Variants in TRMT10A observed in about 807,000 individuals in gnomAD.
TRMT10A encodes the protein tRNA methyltransferase 10A, also known as tRNA methyltransferase 10 homolog A.
TRMT10A carries 37 observed loss-of-function variants against 40.4 expected under a neutral mutation model. That is an observed-to-expected ratio of 0.92 (90% CI 0.71 to 1.21). The LOEUF is 1.21. Ranked by LOEUF, TRMT10A falls within the 50% of genes most tolerant of loss-of-function variation. The probability of loss-of-function intolerance (pLI) is 0.00; values close to 1 mark genes in which losing one functional copy is unlikely to be tolerated. For synonymous variants in TRMT10A, 103 were observed against 134.1 expected, an observed-to-expected ratio of 0.77 and a Z score of 1.60; for missense variants, 388 against 404.3, an observed-to-expected ratio of 0.96 and a Z score of 0.35.
chr4:99,558,032 A>G lies in TRMT10A; in HGVS notation c.348+17T>C. Reference sequence around the variant, plus strand: ...CTAATTCACATACAAGATTTTTCTGACAATGATTCATGATACCTTTAATAC... The same window carrying G: ...CTAATTCACATACAAGATTTTTCTGGCAATGATTCATGATACCTTTAATAC... On this transcript the variant is annotated intron_variant, in intron 3 of 7. Coordinates refer to ENST00000394876, the MANE Select transcript of TRMT10A (RefSeq NM_001134665.3). 1 of 1,530,654 alleles carries G rather than the reference A, an allele frequency of 6.5e-7. No individual in the cohort carries two copies. The highest frequency in any genetic ancestry group is 8.7e-7 in the Non-Finnish European group (1 of 1,143,764). 94.8% of individuals were successfully genotyped at this position (1,530,654 alleles called of 1,614,324 possible).
Position 99,549,036 on chromosome 4 carries a change from G to A in TRMT10A, c.*52C>T. ...TCTTCCAATTTCAATATTCTATATA[G>A]CACCTCACTTTCTCCTAATTTTTCC... is the stretch of plus-strand genomic sequence containing the variant. On this transcript the variant is annotated 3_prime_UTR_variant, in exon 8 of 8. Coordinates refer to ENST00000394876, the MANE Select transcript of TRMT10A (RefSeq NM_001134665.3). 1 of 1,574,286 alleles carries A rather than the reference G, an allele frequency of 6.4e-7. No individual in the cohort carries two copies. Among genetic ancestry groups the A allele is most frequent in the South Asian group, 1.1e-5 (1 of 87,214 alleles).
At chr4:99,563,848 G>A in intron 1 of TRMT10A, 65 bp downstream of exon 1, 1 of 670,444 alleles carries the variant, frequency 1.5e-6, no homozygotes, top group South Asian at 1.5e-5. Context: ...TGCATGGCAC[G>A]CGCCCCTTTG....
chr4:99,557,997 A>T, intron 3 of TRMT10A, 52 bp downstream of exon 3: 1 of 1,469,174 alleles, frequency 6.8e-7, no homozygotes. Context: ...TAAAACAAAA[A>T]TGATTCGACC....
chr4:99,557,483 A>G lies in TRMT10A; in HGVS notation c.349-67T>C. The G allele has an allele frequency of 2.1e-6, 3 of 1,408,038 alleles. No individual in the cohort carries two copies. The South Asian group carries it at 3.6e-5, about 17-fold the overall frequency. 87.2% of individuals were successfully genotyped at this position (1,408,038 alleles called of 1,614,324 possible). ...GTCTATGGCCATTCTATGATCTTAA[A>G]GGAATGGAATAAGCAGAAGGGATGA... is the stretch of plus-strand genomic sequence containing the variant. On this transcript the variant is annotated intron_variant, in intron 3 of 7. Transcript: ENST00000394876.
intron 5 of TRMT10A, among the ~76,000 whole-genome samples, chr4:99,555,005 T>C (rs1361566921): frequency 6.6e-6 from 1 of 152,168 alleles, no homozygotes; most frequent in Non-Finnish European, 1.5e-5. Context: ...GTATAATTAA[T>C]AAATAGCCAG....
At chr4:99,563,793 C>T (rs1239417214) in intron 1 of TRMT10A, 120 bp downstream of exon 1, 7 of 573,800 alleles carry the variant, frequency 1.2e-5, no homozygotes, top group Non-Finnish European at 2.0e-5. Flanking sequence ...ACTTCCACAC[C>T]ACTGCTCCCC....
chr4:99,560,928 G>A (rs1724363546), intron 1 of TRMT10A, among the ~76,000 whole-genome samples: 1 of 151,060 alleles, frequency 6.6e-6, no homozygotes, highest in Non-Finnish European at 1.5e-5. Flanking sequence ...AAAACGGCAT[G>A]TGTTGATTAG....
intron 7 of TRMT10A, among the ~76,000 whole-genome samples, chr4:99,549,670 C>T (rs1723887578): frequency 6.6e-6 from 1 of 152,174 alleles, no homozygotes; most frequent in South Asian, 2.1e-4. Context: ...ACATCTTTAT[C>T]CTTTACATGC....
rs201686926 is a variant in TRMT10A, at chr4:99,559,127, A to C, written c.185+27T>G. Reference sequence around the variant, plus strand: ...ACATTGCATATCTCTAAATAGGAAGAGAGCATATACATTTTGAAACACATA... The same window carrying C: ...ACATTGCATATCTCTAAATAGGAAGCGAGCATATACATTTTGAAACACATA... On this transcript the variant is annotated intron_variant, in intron 2 of 7. Coordinates refer to ENST00000394876, the MANE Select transcript of TRMT10A (RefSeq NM_001134665.3). The C allele has an allele frequency of 3.8e-6, 6 of 1,589,698 alleles. No homozygotes were observed. In the East Asian group the frequency reaches 1.3e-4, roughly 36 times the overall value.
chr4:99,557,376 G>A lies in TRMT10A; in HGVS notation c.389C>T (p.Ala130Val), dbSNP rs1044515862. The change falls in exon 4 of 8, where the codon GCA (alanine) becomes GTA (valine). Residue 130 changes from alanine (A) to valine (V), a missense_variant. Ala to Val is a moderately conservative substitution (Grantham distance 64). Transcript: ENST00000394876. The stretch of plus-strand genomic sequence containing the variant: ...AGGATGCAGTGCCCGTCGGTTTTCT[G>A]CGTAACATCGTTGAATCTGCTTATG... ...KLHKQIQRCY[A>V]ENRRALHPVQ... The A allele has an allele frequency of 3.1e-6, 5 of 1,613,414 alleles. No homozygotes were observed. The highest frequency in any genetic ancestry group is 2.5e-6 in the Non-Finnish European group (3 of 1,179,638).
chr4:99,559,888 T>C (rs1156531709), intron 1 of TRMT10A, among the ~76,000 whole-genome samples: 3 of 152,122 alleles, frequency 2.0e-5, no homozygotes, highest in Non-Finnish European at 4.4e-5. Context: ...GAAACGGTTA[T>C]ACATTAAACA....
intron 3 of TRMT10A, chr4:99,557,678 A>AGTCTC (rs1157748571): frequency 4.8e-6 from 2 of 413,562 alleles, no homozygotes; most frequent in African/African-American, 4.2e-5. Context: ...TACTCTCTAA[A>AGTCTC]GAGACAACAA....
At chr4:99,549,439 G>GCCAAGA in intron 7 of TRMT10A, 83 bp from the exon 8 acceptor site, 1 of 1,502,660 alleles carries the variant, frequency 6.7e-7, no homozygotes, top group Non-Finnish European at 9.0e-7. Flanking sequence ...CATTGCCTTT[G>GCCAAGA]TGTTAAGAGT....
intron 6 of TRMT10A, 38 bp downstream of exon 6, chr4:99,553,747 A>T: frequency 6.4e-7 from 1 of 1,569,172 alleles, no homozygotes; most frequent in Non-Finnish European, 8.6e-7. Flanking sequence ...TATCAATTTT[A>T]AGAACAAGCA....
At chr4:99,561,060 A>AGG (rs1191848668) in intron 1 of TRMT10A, among the ~76,000 whole-genome samples, 2 of 150,678 alleles carry the variant, frequency 1.3e-5, no homozygotes, top group East Asian at 3.9e-4. Flanking sequence ...TCCGCCTCCC[A>AGG]GGTTCAGGCG....
At chr4:99,559,065 A>T in intron 2 of TRMT10A, 89 bp downstream of exon 2, 3 of 1,273,806 alleles carry the variant, frequency 2.4e-6, no homozygotes, top group Non-Finnish European at 3.1e-6. Flanking sequence ...AAGTAACACA[A>T]TTACATTTAA....
In TRMT10A at chr4:99,550,918, T is replaced by C. The variant is rs752632280; in HGVS notation, c.718A>G (p.Met240Val). 2 of 1,613,416 alleles carry C rather than the reference T, an allele frequency of 1.2e-6. No homozygotes were observed. Among genetic ancestry groups the C allele is most frequent in the Non-Finnish European group, 1.7e-6 (2 of 1,179,666 alleles). Residue 240 changes from methionine (M) to valine (V), a missense_variant, in exon 7 of 8, where the codon ATG becomes GTG. Met to Val is a conservative substitution (Grantham distance 21). Coordinates refer to ENST00000394876, the MANE Select transcript of TRMT10A (RefSeq NM_001134665.3). Reference sequence around the variant, plus strand: ...ACTGCCAAAACTTTTCGACTATTCATCTTCACAAAATTTCCAAGTGGGAGC... The same window carrying C: ...ACTGCCAAAACTTTTCGACTATTCACCTTCACAAAATTTCCAAGTGGGAGC... ...AQLPLGNFVK[M>V]NSRKVLAVNH...
At chr4:99,559,538 G>A (rs1430751828) in intron 1 of TRMT10A, among the ~76,000 whole-genome samples, 177 bp from the exon 2 acceptor site, 6 of 152,190 alleles carry the variant, frequency 3.9e-5, no homozygotes, top group Non-Finnish European at 8.8e-5. Flanking sequence ...AGCAATGCTA[G>A]TAAAGGTCTA....
chr4:99,548,072 T>C lies in TRMT10A; in HGVS notation c.*1016A>G, dbSNP rs1350914089. On this transcript the variant is annotated 3_prime_UTR_variant, in exon 8 of 8. Transcript: ENST00000394876. The stretch of plus-strand genomic sequence containing the variant: ...GTTCTTAGCGTGTTCAACACAACCA[T>C]TCACACAAGTAATACAGATATATGG... 6.6e-6 allele frequency: 1 copy of C among 152,124 alleles called. No individual in the cohort carries two copies. The highest frequency in any genetic ancestry group is 1.5e-5 in the Non-Finnish European group (1 of 67,984). The allele number at this position is 152,124 out of a possible 1,614,324, so 9.4% of individuals were successfully genotyped here. A position where few individuals can be genotyped will look rare whatever the true frequency, so the allele number is the denominator to read the frequency against.
Sources: gnomAD v4.1 joint callset for allele counts (sites outside exome capture counted in the v4.1 genomes callset) on GRCh38, gnomAD v4.1.1 for gene constraint, MANE v1.5 for transcripts, NCBI Gene and HGNC (gene_info 2026-07-23, HGNC 2026-07-21) for gene names.